LRP4: variants seen among roughly 807,000 people sequenced by gnomAD.
LRP4 encodes low-density lipoprotein receptor-related protein 4.
LRP4 carries 95 observed loss-of-function variants against 220.3 expected under a neutral mutation model. The observed-to-expected ratio is 0.43, with a 90% CI of 0.37 to 0.51. The LOEUF (loss-of-function observed/expected upper bound fraction) is 0.51. LRP4 is among the 20% of genes least tolerant of loss of function. The probability of loss-of-function intolerance (pLI) is 0.00; values close to 1 mark genes in which losing one functional copy is unlikely to be tolerated. For missense variants in LRP4, 1,925 were observed against 2,567.0 expected (o/e 0.75, Z 5.40); for synonymous variants, 903 against 954.6 (o/e 0.95, Z 1.00).
In LRP4 at chr11:46,860,901, C is replaced by T. The variant is rs980819914; in HGVS notation, c.5386-1586G>A. 2.3e-5 allele frequency: 22 copies of T among 970,908 alleles called. No homozygotes were observed. The South Asian group carries it at 1.0e-3, about 44-fold the overall frequency. 60.1% of individuals were successfully genotyped at this position (970,908 alleles called of 1,614,324 possible). A position where few individuals can be genotyped will look rare whatever the true frequency, so the allele number is the denominator to read the frequency against. On this transcript the variant is annotated intron_variant, in intron 37 of 37. Transcript: ENST00000378623. ...CACTTGCAATTTGGGAAACACCACT[C>T]CCTCTACAAACACACAGCAACAGGT...
At chr11:46,878,771 G>A in intron 22 of LRP4, 136 bp downstream of exon 22, 2 of 1,315,624 alleles carry the variant, frequency 1.5e-6, no homozygotes, top group Admixed American at 1.7e-5. Context: ...AAAGCCGTGA[G>A]TCTCTCCCCT....
chr11:46,881,953 C>T, intron 19 of LRP4, 50 bp from the exon 20 acceptor site: 1 of 1,576,026 alleles, frequency 6.3e-7, no homozygotes, highest in Non-Finnish European at 8.7e-7. Context: ...TAATATCCAG[C>T]AGGGACTCAG....
chr11:46,898,950 G>A lies in LRP4; in HGVS notation c.630C>T (p.Cys210=), dbSNP rs939571893. Residue 210 remains cysteine (C), a synonymous_variant, in exon 6 of 38, where the codon TGC becomes TGT. Coordinates refer to ENST00000378623, the MANE Select transcript of LRP4 (RefSeq NM_002334.4). ...YGRCILDIYH[C]DGDDDCGDWS... is the part of the protein sequence containing the mutation. Reference sequence around the variant, plus strand: ...AGTCTCCACAGTCATCGTCGCCATCGCAGTGGTAGATGTCGAGGATGCAGC... The same window carrying A: ...AGTCTCCACAGTCATCGTCGCCATCACAGTGGTAGATGTCGAGGATGCAGC... The A allele has an allele frequency of 4.3e-6, 7 of 1,613,824 alleles. 1 individual carries two copies. In the South Asian group the frequency reaches 5.5e-5, roughly 13 times the overall value.
intron 16 of LRP4, among the ~76,000 whole-genome samples, chr11:46,888,548 C>CAAAA (rs71042635): frequency 0.037 from 1,143 of 31,074 alleles, 115 homozygotes; most frequent in Middle Eastern, 0.14. Context: ...AAAACTGTCT[C>CAAAA]AAAAAAAAAA....
At chr11:46,886,027 G>A (rs1003083857) in intron 18 of LRP4, 64 bp downstream of exon 18, 5 of 1,383,044 alleles carry the variant, frequency 3.6e-6, no homozygotes, top group Admixed American at 3.3e-5. Context: ...TTCTATCTGA[G>A]GCCAGGGTTT....
chr11:46,915,512 C>G (rs902496922), intron 1 of LRP4, among the ~76,000 whole-genome samples: 3 of 152,112 alleles, frequency 2.0e-5, no homozygotes, highest in Non-Finnish European at 4.4e-5. Flanking sequence ...AGGAAAAGCC[C>G]CAAGGACTAG....
chr11:46,910,005 C>G (rs1386745063), intron 1 of LRP4, among the ~76,000 whole-genome samples: 1 of 152,112 alleles, frequency 6.6e-6, no homozygotes, highest in Non-Finnish European at 1.5e-5. Context: ...CCCATGGTCC[C>G]TTTTATTCCC....
chr11:46,892,647 C>T (rs544805189), intron 13 of LRP4, among the ~76,000 whole-genome samples: 2 of 150,628 alleles, frequency 1.3e-5, no homozygotes, highest in African/African-American at 2.5e-5. Context: ...TCTCAGCTCA[C>T]TGTAACCTGT....
Position 46,896,295 on chromosome 11 carries a change from A to G in LRP4, c.963T>C (p.Asn321=). 1 of 1,614,152 alleles carries G rather than the reference A, an allele frequency of 6.2e-7. No homozygotes were observed. Among genetic ancestry groups the G allele is most frequent in the Non-Finnish European group, 8.5e-7 (1 of 1,180,028 alleles). Residue 321 remains asparagine (N), a synonymous_variant, in exon 9 of 38, where the codon AAT becomes AAC. Transcript: ENST00000378623. ...QCALDQFLCW[N]GRCIGQRKLC... is the part of the protein sequence containing the mutation. ...GCTTCCTCTGCCCAATGCAGCGCCC[A>G]TTCCAACACAGGAACTGGTCCAAGG... is the stretch of plus-strand genomic sequence containing the variant.
Position 46,879,320 on chromosome 11 carries a change from C to T in LRP4, c.2815-5G>A. 1.2e-6 allele frequency: 2 copies of T among 1,613,962 alleles called. No individual in the cohort carries two copies. Among genetic ancestry groups the T allele is most frequent in the Non-Finnish European group, 1.7e-6 (2 of 1,180,020 alleles). Reference sequence around the variant, plus strand: ...GAGCTGGCTTCCAATCAGCACCTGCCAGGGCCCCAACACTGTGTCATCTTC... The same window carrying T: ...GAGCTGGCTTCCAATCAGCACCTGCTAGGGCCCCAACACTGTGTCATCTTC... On this transcript the variant is annotated splice_region_variant and splice_polypyrimidine_tract_variant and intron_variant, in intron 20 of 37. Coordinates refer to ENST00000378623, the MANE Select transcript of LRP4 (RefSeq NM_002334.4).
At position 46,873,824 on chromosome 11, in the gene LRP4, A is replaced by G; in HGVS notation, c.4230-231T>C. The G allele has an allele frequency of 9.4e-6, 5 of 531,264 alleles. No homozygotes were observed. The highest frequency in any genetic ancestry group is 2.9e-5 in the East Asian group (1 of 34,904). 32.9% of individuals were successfully genotyped at this position (531,264 alleles called of 1,614,324 possible). A position where few individuals can be genotyped will look rare whatever the true frequency, so the allele number is the denominator to read the frequency against. ...ACACAGTATTTCCTGCTAACTGGACATAGTGGCGGTTGCCAGGGGATGTCT... is the reference window on the plus strand; with the variant it reads ...ACACAGTATTTCCTGCTAACTGGACGTAGTGGCGGTTGCCAGGGGATGTCT... On this transcript the variant is annotated intron_variant, in intron 28 of 37. Coordinates refer to ENST00000378623, the MANE Select transcript of LRP4 (RefSeq NM_002334.4). The surrounding 1 kb of genome is among the most constrained non-coding windows in gnomAD (Gnocchi z 4.2).
In LRP4 at chr11:46,859,188, C is replaced by A. The variant is rs770309253; in HGVS notation, c.5513G>T (p.Arg1838Leu). ...QLRSSRGGLLRDHVCMKTDTV... is the reference protein window; with the variant it reads ...QLRSSRGGLLLDHVCMKTDTV... ...GTCTGTCTTCATGCATACATGATCC[C>A]GGAGGAGGCCCCCCCGTGAGCTTCG... is the stretch of plus-strand genomic sequence containing the variant. The change falls in exon 38 of 38, where the codon CGG becomes CTG. Residue 1838 changes from arginine (R) to leucine (L), a missense_variant. Coordinates refer to ENST00000378623, the MANE Select transcript of LRP4 (RefSeq NM_002334.4). The A allele has an allele frequency of 6.2e-7, 1 of 1,614,020 alleles. No individual in the cohort carries two copies. The highest frequency in any genetic ancestry group is 1.7e-5 in the Admixed American group (1 of 59,998).
In LRP4 at chr11:46,875,368, G is replaced by C; in HGVS notation, c.3925+88C>G. 8.2e-7 allele frequency: 1 copy of C among 1,213,566 alleles called. No individual in the cohort carries two copies. The highest frequency in any genetic ancestry group is 1.2e-6 in the Non-Finnish European group (1 of 832,864). 75.2% of individuals were successfully genotyped at this position (1,213,566 alleles called of 1,614,324 possible). ...TCACCGTCTTTCTGGCTGTAAAGGA[G>C]CTCTGTGCTCTGGATATATCTCTGA... is the stretch of plus-strand genomic sequence containing the variant. On this transcript the variant is annotated intron_variant, in intron 27 of 37. Coordinates refer to ENST00000378623, the MANE Select transcript of LRP4 (RefSeq NM_002334.4). The surrounding 1 kb of genome is among the most constrained non-coding windows in gnomAD (Gnocchi z 4.5).
chr11:46,868,241 G>A, intron 33 of LRP4, 127 bp from the exon 34 acceptor site: 1 of 1,074,826 alleles, frequency 9.3e-7, no homozygotes. Flanking sequence ...ACCTTCATTA[G>A]TAGCCCTTCT....
chr11:46,880,300 C>CAAAAAA, intron 20 of LRP4, among the ~76,000 whole-genome samples: 1 of 84,314 alleles, frequency 1.2e-5, no homozygotes, highest in Non-Finnish European at 2.5e-5. Context: ...ACTGCAGTCT[C>CAAAAAA]AAAAAAAAAA....
intron 12 of LRP4, among the ~76,000 whole-genome samples, chr11:46,893,835 C>T (rs766804869): frequency 6.7e-6 from 1 of 149,818 alleles, no homozygotes; most frequent in Non-Finnish European, 1.5e-5. Context: ...CCTGACCTCA[C>T]GTGATCCGCC....
At position 46,874,943 on chromosome 11, in the gene LRP4, G is replaced by C; in HGVS notation, c.4086C>G (p.Gly1362=). The change falls in exon 28 of 38, where the codon GGC becomes GGG. Residue 1362 remains glycine, a synonymous_variant. Transcript: ENST00000378623. ...PETYLLFSSR[G]SIRRISLDTS... ...TGTCCAGTGAGATACGCCGGATGGA[G>C]CCACGGCTGGAGAAGAGCAGGTAGG... 1 of 1,614,184 alleles carries C rather than the reference G, an allele frequency of 6.2e-7. No individual in the cohort carries two copies. The highest frequency in any genetic ancestry group is 8.5e-7 in the Non-Finnish European group (1 of 1,180,036).
At chr11:46,888,844 G>C (rs1474172835) in intron 16 of LRP4, among the ~76,000 whole-genome samples, 1 of 152,134 alleles carries the variant, frequency 6.6e-6, no homozygotes, top group East Asian at 1.9e-4. Context: ...AAAAGTCATC[G>C]TGTGCTGGGC....
At chr11:46,900,444 C>G in intron 2 of LRP4, 66 bp from the exon 3 acceptor site, 1 of 978,506 alleles carries the variant, frequency 1.0e-6, no homozygotes, top group South Asian at 1.3e-5. Flanking sequence ...TCAACTAGGC[C>G]AGATAGCCTT....
Sources: gnomAD v4.1 joint callset for allele counts (sites outside exome capture counted in the v4.1 genomes callset) on GRCh38, gnomAD v4.1.1 for gene constraint, Gnocchi (gnomAD v3.1) non-coding constraint, MANE v1.5 for transcripts, NCBI Gene and HGNC (gene_info 2026-07-23, HGNC 2026-07-21) for gene names.